SLC9A9: variants seen among roughly 807,000 people sequenced by gnomAD.
SLC9A9 encodes solute carrier family 9 member A9, also known as sodium/hydrogen exchanger 9.
Under a neutral mutation model 77.8 loss-of-function variants are expected in SLC9A9, and 62 were observed. That is an observed-to-expected ratio of 0.80 (90% CI 0.65 to 0.98). SLC9A9 has a LOEUF of 0.98. SLC9A9 is among the 50% of genes least tolerant of loss of function. The probability of loss-of-function intolerance (pLI) is 0.00; values close to 1 mark genes in which losing one functional copy is unlikely to be tolerated. For synonymous variants in SLC9A9, 320 were observed against 283.5 expected (o/e 1.13, Z -1.29); for missense variants, 775 against 774.9 (o/e 1.00, Z 0.00).
intron 6 of SLC9A9, among the ~76,000 whole-genome samples, chr3:143,589,746 C>T (rs1310041907): frequency 6.6e-6 from 1 of 152,202 alleles, no homozygotes; most frequent in African/African-American, 2.4e-5. Context: ...GATTAAATCA[C>T]TTGCCCAAGG....
At chr3:143,468,921 G>A (rs1424141364) in intron 11 of SLC9A9, among the ~76,000 whole-genome samples, 1 of 152,208 alleles carries the variant, frequency 6.6e-6, no homozygotes, top group East Asian at 1.9e-4. Flanking sequence ...CAGCACTTCG[G>A]GAGGCCGAGG....
At chr3:143,554,979 A>T (rs2036955472) in intron 8 of SLC9A9, among the ~76,000 whole-genome samples, 1 of 151,930 alleles carries the variant, frequency 6.6e-6, no homozygotes, top group Non-Finnish European at 1.5e-5. Flanking sequence ...TTGCTACTTG[A>T]TATTTTATAT....
At chr3:143,433,934 C>T (rs1186577424) in intron 12 of SLC9A9, among the ~76,000 whole-genome samples, 2 of 152,118 alleles carry the variant, frequency 1.3e-5, no homozygotes, top group African/African-American at 4.8e-5. Context: ...GGAAGACTTG[C>T]CTTTCACTGT....
chr3:143,785,386 C>A (rs1358675519), intron 4 of SLC9A9, among the ~76,000 whole-genome samples: 1 of 152,186 alleles, frequency 6.6e-6, no homozygotes, highest in African/African-American at 2.4e-5. Flanking sequence ...AAAACCCCAC[C>A]TGTGCCCCCC....
At chr3:143,598,407 T>C (rs1406183341) in intron 6 of SLC9A9, among the ~76,000 whole-genome samples, 2 of 152,234 alleles carry the variant, frequency 1.3e-5, no homozygotes, top group Admixed American at 1.3e-4. Flanking sequence ...GGGCTGTAGC[T>C]GTGCCTTGAG....
intron 9 of SLC9A9, among the ~76,000 whole-genome samples, chr3:143,529,527 G>A (rs952813466): frequency 2.0e-5 from 3 of 152,104 alleles, no homozygotes; most frequent in African/African-American, 4.8e-5. Context: ...TTTGTTGGAT[G>A]GTTTTATATA....
At chr3:143,279,749 CT>C (rs1026372123) in intron 14 of SLC9A9, among the ~76,000 whole-genome samples, 3 of 152,084 alleles carry the variant, frequency 2.0e-5, no homozygotes, top group African/African-American at 7.2e-5. Flanking sequence ...TGAACTCATC[CT>C]TTTTTATGGC....
chr3:143,752,679 G>GTTT (rs77031960), intron 4 of SLC9A9, among the ~76,000 whole-genome samples: 3 of 138,968 alleles, frequency 2.2e-5, no homozygotes, highest in African/African-American at 5.2e-5. Context: ...ATGTGAAAAG[G>GTTT]TTTTTTTTTT....
chr3:143,612,531 G>A (rs1457607667), intron 6 of SLC9A9, among the ~76,000 whole-genome samples: 3 of 152,160 alleles, frequency 2.0e-5, no homozygotes, highest in Non-Finnish European at 4.4e-5. Flanking sequence ...CCACCAACAT[G>A]GATGCCTGAT....
chr3:143,690,378 G>A (rs6806566), intron 5 of SLC9A9, among the ~76,000 whole-genome samples: 147,532 of 152,142 alleles, frequency 0.97, 71,569 homozygotes, highest in East Asian at 1. Context: ...AAAAACAATT[G>A]ACAATCCAGC....
chr3:143,763,713 G>A (rs1258872698), intron 4 of SLC9A9, among the ~76,000 whole-genome samples: 1 of 147,636 alleles, frequency 6.8e-6, no homozygotes, highest in Non-Finnish European at 1.5e-5. Flanking sequence ...TAAAATGTTT[G>A]ATTTTTTTTT....
intron 9 of SLC9A9, among the ~76,000 whole-genome samples, chr3:143,526,384 G>A (rs1312312465): frequency 1.3e-5 from 2 of 152,192 alleles, no homozygotes; most frequent in Non-Finnish European, 2.9e-5. Flanking sequence ...TGCTCTGTGG[G>A]CATTTGGTAA....
intron 13 of SLC9A9, 157 bp downstream of exon 13, chr3:143,381,903 A>G: frequency 4.7e-6 from 4 of 854,090 alleles, no homozygotes; most frequent in South Asian, 4.4e-5. Flanking sequence ...CAACACCCTG[A>G]ATTCCCTTGT....
At chr3:143,608,766 T>C (rs1005355948) in intron 6 of SLC9A9, among the ~76,000 whole-genome samples, 3 of 152,036 alleles carry the variant, frequency 2.0e-5, no homozygotes, top group African/African-American at 7.2e-5. Context: ...AGGACCCACA[T>C]TGAGGTTAAG....
chr3:143,421,881 CA>C (rs1448880428), intron 12 of SLC9A9, among the ~76,000 whole-genome samples: 5 of 152,098 alleles, frequency 3.3e-5, no homozygotes, highest in Non-Finnish European at 7.4e-5. Context: ...GGAACTTAAA[CA>C]ACCAAACAAG....
intron 4 of SLC9A9, among the ~76,000 whole-genome samples, chr3:143,702,729 A>C (rs12637424): frequency 0.42 from 64,038 of 151,744 alleles, 14,112 homozygotes; most frequent in East Asian, 0.67. Flanking sequence ...ATAACATTGA[A>C]TATAAGTGAA....
intron 14 of SLC9A9, among the ~76,000 whole-genome samples, chr3:143,298,210 C>T (rs2030362991): frequency 6.6e-6 from 1 of 152,196 alleles, no homozygotes; most frequent in Non-Finnish European, 1.5e-5. Context: ...TGTATCCATT[C>T]CGTGGATGAA....
At chr3:143,331,023 G>A (rs2031750513) in intron 14 of SLC9A9, among the ~76,000 whole-genome samples, 1 of 152,176 alleles carries the variant, frequency 6.6e-6, no homozygotes, top group Non-Finnish European at 1.5e-5. Flanking sequence ...TATAAAGAAA[G>A]TCTTTGTGGG....
At chr3:143,670,871 G>C (rs189998724) in intron 5 of SLC9A9, among the ~76,000 whole-genome samples, 1 of 152,126 alleles carries the variant, frequency 6.6e-6, no homozygotes. Flanking sequence ...ATGAACAAAT[G>C]TTTGTTAAAT....
Sources: allele counts gnomAD v4.1 joint callset (sites outside exome capture counted in the v4.1 genomes callset), GRCh38; gene constraint gnomAD v4.1.1; transcripts MANE v1.5; gene names NCBI Gene and HGNC (gene_info 2026-07-23, HGNC 2026-07-21).